The following CACHD1 variants were observed in gnomAD, a reference collection of about 807,000 sequenced individuals.
CACHD1 encodes the protein cache domain containing 1.
In CACHD1, 71 loss-of-function variants were observed where a neutral mutation model predicts 138.7. That is an observed-to-expected ratio of 0.51 (90% confidence interval 0.42 to 0.62). CACHD1 has a LOEUF of 0.62. CACHD1 is among the 20% of genes least tolerant of loss of function. The pLI is 0.00. For missense variants in CACHD1, 1,389 were observed against 1,625.3 expected, an observed-to-expected ratio of 0.85 and a Z score of 2.50; for synonymous variants, 578 against 591.5, an observed-to-expected ratio of 0.98 and a Z score of 0.33.
Position 64,512,323 on chromosome 1 carries a change from G to A in CACHD1, c.199-38271G>A, listed in dbSNP as rs141792963. 2.7e-5 allele frequency among the ~76,000 whole-genome samples: 4 copies of A among 147,062 alleles called. No individual in the cohort carries two copies. In the East Asian group the frequency reaches 8.2e-4, roughly 30 times the overall value. On this transcript the variant is annotated intron_variant, in intron 1 of 26. Coordinates refer to ENST00000651257, the MANE Select transcript of CACHD1 (RefSeq NM_020925.4). ...TCACAAGAATGGCTTGAACCCAGGA[G>A]GCAGAGGTTGCAGTGAGCTGAGATT... is the stretch of plus-strand genomic sequence containing the variant.
intron 12 of CACHD1, among the ~76,000 whole-genome samples, chr1:64,656,943 A>T (rs1301125653): frequency 6.6e-6 from 1 of 152,222 alleles, no homozygotes; most frequent in Non-Finnish European, 1.5e-5. Context: ...GAGTTAGCTT[A>T]TCCTAAGGAC....
chr1:64,487,204 A>G (rs999064657), intron 1 of CACHD1, among the ~76,000 whole-genome samples: 1 of 152,200 alleles, frequency 6.6e-6, no homozygotes, highest in African/African-American at 2.4e-5. Flanking sequence ...TTTGCTTAGA[A>G]GGATCCCTCT....
chr1:64,535,002 A>C (rs1238204133), intron 1 of CACHD1, among the ~76,000 whole-genome samples: 1 of 152,222 alleles, frequency 6.6e-6, no homozygotes, highest in Admixed American at 6.5e-5. Context: ...TTTGTAGAAC[A>C]GGGATACCAG....
In CACHD1 at chr1:64,539,275, C is replaced by T. The variant is rs192988728; in HGVS notation, c.199-11319C>T. Among the ~76,000 whole-genome samples the T allele has an allele frequency of 3.2e-4, 48 of 152,278 alleles. 1 individual carries two copies. The East Asian group carries it at 6.7e-3, about 21-fold the overall frequency. ...AAAGCACCTATTTTATCATGTCACT[C>T]CCCAGTTAAAAATCCTTTTAACGGC... On this transcript the variant is annotated intron_variant, in intron 1 of 26. Coordinates refer to ENST00000651257, the MANE Select transcript of CACHD1 (RefSeq NM_020925.4).
At chr1:64,526,981 G>A (rs1383436645) in intron 1 of CACHD1, among the ~76,000 whole-genome samples, 3 of 152,212 alleles carry the variant, frequency 2.0e-5, no homozygotes, top group Non-Finnish European at 4.4e-5. Context: ...GGTTCCAGAC[G>A]CTTAGTATAC....
At chr1:64,581,938 T>C (rs1195444093) in intron 2 of CACHD1, among the ~76,000 whole-genome samples, 2 of 152,220 alleles carry the variant, frequency 1.3e-5, no homozygotes, top group African/African-American at 2.4e-5. Context: ...CAAGAAGATA[T>C]AATTTTACTG....
rs541958864 is a variant in CACHD1 at position 64,573,397 on chromosome 1, C to T, written c.262-8759C>T. On this transcript the variant is annotated intron_variant, in intron 2 of 26. Coordinates refer to ENST00000651257, the MANE Select transcript of CACHD1 (RefSeq NM_020925.4). ...GCTGTCATCTTGATCTTTGACTTCC[C>T]ACTTTACAGAACTATGAGAAATAAA... Among the ~76,000 whole-genome samples the T allele has an allele frequency of 3.9e-5, 6 of 152,288 alleles. No homozygotes were observed. In the South Asian group the frequency reaches 1.2e-3, roughly 32 times the overall value.
chr1:64,619,327 A>G (rs185349304), intron 4 of CACHD1, among the ~76,000 whole-genome samples: 3 of 152,332 alleles, frequency 2.0e-5, no homozygotes, highest in Admixed American at 2.0e-4. Flanking sequence ...CGTATCTGAC[A>G]ACAGTTTGTG....
chr1:64,578,672 T>G (rs1042893327), intron 2 of CACHD1, among the ~76,000 whole-genome samples: 4 of 152,190 alleles, frequency 2.6e-5, no homozygotes, highest in African/African-American at 7.2e-5. Flanking sequence ...ATGCCACAAC[T>G]TGGGCTGGGA....
intron 1 of CACHD1, among the ~76,000 whole-genome samples, chr1:64,484,728 A>G (rs1457407507): frequency 6.6e-6 from 1 of 152,246 alleles, no homozygotes; most frequent in Non-Finnish European, 1.5e-5. Flanking sequence ...GTGGAATTAA[A>G]CAACATTTGT....
intron 1 of CACHD1, among the ~76,000 whole-genome samples, chr1:64,526,011 A>G (rs1471488871): frequency 6.6e-6 from 1 of 152,214 alleles, no homozygotes; most frequent in East Asian, 1.9e-4. Flanking sequence ...GGGCCAAATA[A>G]AAATCTATGC....
At chr1:64,546,046 G>A (rs1646715698) in intron 1 of CACHD1, among the ~76,000 whole-genome samples, 1 of 152,184 alleles carries the variant, frequency 6.6e-6, no homozygotes, top group African/African-American at 2.4e-5. Context: ...ACAAGAAAGA[G>A]TAATGGGCAG....
chr1:64,673,478 A>T lies in CACHD1; in HGVS notation c.2727+14A>T. The T allele has an allele frequency of 4.5e-6, 7 of 1,561,972 alleles. No homozygotes were observed. Among genetic ancestry groups the T allele is most frequent in the Non-Finnish European group, 5.3e-6 (6 of 1,132,548 alleles). ...ACCAGCCTTGCGGTAAGTTGATCTG[A>T]TTCCTTAACACTCTCATTTTTCCAT... On this transcript the variant is annotated intron_variant, in intron 19 of 26. Transcript: ENST00000651257.
At chr1:64,500,339 G>A (rs1242443840) in intron 1 of CACHD1, among the ~76,000 whole-genome samples, 1 of 152,174 alleles carries the variant, frequency 6.6e-6, no homozygotes, top group Admixed American at 6.5e-5. Context: ...GTTTGGCCTT[G>A]TGTCTTCAAC....
chr1:64,676,467 T>C (rs1392560928), intron 21 of CACHD1, among the ~76,000 whole-genome samples: 1 of 152,190 alleles, frequency 6.6e-6, no homozygotes, highest in African/African-American at 2.4e-5. Flanking sequence ...GTTTGTATTG[T>C]GTGTGTATAA....
intron 1 of CACHD1, among the ~76,000 whole-genome samples, chr1:64,482,396 T>C (rs1029857000): frequency 4.3e-4 from 65 of 152,222 alleles, no homozygotes; most frequent in African/African-American, 1.5e-3. Flanking sequence ...CTGAAATGGG[T>C]TGGTTTCCAT....
chr1:64,590,400 CT>C (rs1203295127), intron 3 of CACHD1, among the ~76,000 whole-genome samples: 1 of 148,844 alleles, frequency 6.7e-6, no homozygotes, highest in Non-Finnish European at 1.5e-5. Flanking sequence ...TTGAGTAATT[CT>C]TTTTTCCCTG....
intron 4 of CACHD1, among the ~76,000 whole-genome samples, chr1:64,609,641 A>G (rs929675929): frequency 1.3e-5 from 2 of 152,172 alleles, no homozygotes; most frequent in African/African-American, 4.8e-5. Context: ...TGTTAGCCAT[A>G]TACTGGCATA....
In CACHD1 at chr1:64,552,477, T is replaced by G. The variant is rs1466408628; in HGVS notation, c.261+1821T>G. 4.6e-3 allele frequency among the ~76,000 whole-genome samples: 702 copies of G among 151,084 alleles called. 4 individuals carry two copies. Among genetic ancestry groups the G allele is most frequent in the African/African-American group, 6.2e-3 (258 of 41,306 alleles). ...TGTACTTTTATTTTGTTTTGTTTTT[T>G]TTTTTTTTTTGAGACAGGATCTTGC... is the stretch of plus-strand genomic sequence containing the variant. On this transcript the variant is annotated intron_variant, in intron 2 of 26. Coordinates refer to ENST00000651257, the MANE Select transcript of CACHD1 (RefSeq NM_020925.4).
Sources: allele counts gnomAD v4.1 joint callset (sites outside exome capture counted in the v4.1 genomes callset), GRCh38; gene constraint gnomAD v4.1.1; transcripts MANE v1.5; gene names NCBI Gene and HGNC (gene_info 2026-07-23, HGNC 2026-07-21).